The following NFRKB variants were observed in gnomAD, a reference collection of about 807,000 sequenced individuals.
The protein encoded by NFRKB is nuclear factor related to kappaB binding protein, also known as nuclear factor related to kappa-B-binding protein.
Under a neutral mutation model 135.7 loss-of-function variants are expected in NFRKB, and 62 were observed. The ratio of observed to expected loss-of-function variants is 0.46; its 90% confidence interval spans 0.37 to 0.56. NFRKB has a LOEUF of 0.56. NFRKB is among the 20% of genes least tolerant of loss of function. The pLI, the probability that NFRKB is intolerant of heterozygous loss-of-function variation, is 0.00. For synonymous variants in NFRKB, 678 were observed against 635.6 expected, an observed-to-expected ratio of 1.07 and a Z score of -1.00; for missense variants, 1,545 against 1,662.0, an observed-to-expected ratio of 0.93 and a Z score of 1.22.
At chr11:129,877,880 T>C (rs77296728) in intron 15 of NFRKB, among the ~76,000 whole-genome samples, 4,300 of 152,098 alleles carry the variant, frequency 0.028, 192 homozygotes, top group African/African-American at 0.099. Flanking sequence ...AAAAGAAACA[T>C]GGGACAATGT....
At chr11:129,889,218 T>C (rs371947555) in intron 3 of NFRKB, among the ~76,000 whole-genome samples, 36 of 152,292 alleles carry the variant, frequency 2.4e-4, no homozygotes, top group Middle Eastern at 3.4e-3. Flanking sequence ...TGCTTCGGCC[T>C]CCCAAAGTGC....
At chr11:129,877,462 T>C in intron 15 of NFRKB, 77 bp from the exon 16 acceptor site, 1 of 1,299,892 alleles carries the variant, frequency 7.7e-7, no homozygotes, top group Admixed American at 1.7e-5. Context: ...TTCAGAACCA[T>C]TCCCACTGTG....
At chr11:129,870,317 A>T in intron 23 of NFRKB, 56 bp from the exon 24 acceptor site, 1 of 1,543,484 alleles carries the variant, frequency 6.5e-7, no homozygotes. Flanking sequence ...CCGGTTACAA[A>T]ATACAACTAG....
At position 129,864,368 on chromosome 11, in the gene NFRKB, A is replaced by G. The variant is rs545050882; in HGVS notation, c.*357T>C. 302 of 204,630 alleles carry G rather than the reference A, an allele frequency of 1.5e-3. 1 individual carries two copies. The highest frequency in any genetic ancestry group is 6.1e-3 in the African/African-American group (265 of 43,560). 12.7% of individuals were successfully genotyped at this position (204,630 alleles called of 1,614,324 possible). On this transcript the variant is annotated 3_prime_UTR_variant, in exon 27 of 27. Transcript: ENST00000682444. ...CCAGAAGCCAAAAAATACAATCCTC[A>G]TGGAGAACCAGCCTATTCGCTGTGT...
rs201192761 is a variant in NFRKB, at chr11:129,869,474, C to T, written c.3531+20G>A. On this transcript the variant is annotated intron_variant, in intron 24 of 26. Transcript: ENST00000682444. ...AGTTTTCTAAAAAAGAAGGCCTAAG[C>T]TTTACCACTAGTTACTCACAGCCTG... is the stretch of plus-strand genomic sequence containing the variant. 1.3e-4 allele frequency: 211 copies of T among 1,586,196 alleles called. 1 individual carries two copies. Among genetic ancestry groups the T allele is most frequent in the Middle Eastern group, 1.7e-4 (1 of 5,826 alleles).
In NFRKB at chr11:129,864,008, G is replaced by C. The variant is rs1220450784; in HGVS notation, c.*717C>G. 1 of 152,326 alleles carries C rather than the reference G, an allele frequency of 6.6e-6. No individual in the cohort carries two copies. The highest frequency in any genetic ancestry group is 2.1e-4 in the South Asian group (1 of 4,828). The allele number at this position is 152,326 out of a possible 1,614,324, so 9.4% of individuals were successfully genotyped here. A position where few individuals can be genotyped will look rare whatever the true frequency, so the allele number is the denominator to read the frequency against. On this transcript the variant is annotated 3_prime_UTR_variant, in exon 27 of 27. Transcript: ENST00000682444. Reference sequence around the variant, plus strand: ...AAAGTGGGCAGGTAAAGCTGGGGGGGGCGGCCACAATCAAGATCCCAACAC... The same window carrying C: ...AAAGTGGGCAGGTAAAGCTGGGGGGCGCGGCCACAATCAAGATCCCAACAC...
In NFRKB at chr11:129,893,287, T is replaced by G. The variant is rs1246552941; in HGVS notation, c.-21-417A>C. 18 of 461,144 alleles carry G rather than the reference T, an allele frequency of 3.9e-5. No individual in the cohort carries two copies. In the Admixed American group the frequency reaches 4.3e-4, roughly 11 times the overall value. 28.6% of individuals were successfully genotyped at this position (461,144 alleles called of 1,614,324 possible). A position where few individuals can be genotyped will look rare whatever the true frequency, so the allele number is the denominator to read the frequency against. On this transcript the variant is annotated intron_variant, in intron 2 of 26. Coordinates refer to ENST00000682444, the MANE Select transcript of NFRKB (RefSeq NM_001143835.2). ...TTTGTTGTTGGCTGGGTGCAGTAAC[T>G]CACACCTACAATCTCAGTACTTTGG... is the stretch of plus-strand genomic sequence containing the variant.
At chr11:129,868,588 C>CAT (rs1158702931) in intron 24 of NFRKB, among the ~76,000 whole-genome samples, 1 of 152,222 alleles carries the variant, frequency 6.6e-6, no homozygotes, top group Non-Finnish European at 1.5e-5. Flanking sequence ...AACGTTCACA[C>CAT]ATAAGCCCAG....
At chr11:129,880,311 A>C (rs1948968366) in intron 13 of NFRKB, among the ~76,000 whole-genome samples, 1 of 152,186 alleles carries the variant, frequency 6.6e-6, no homozygotes, top group South Asian at 2.1e-4. Flanking sequence ...CTGCAAATCT[A>C]ACAGGAGCCA....
At chr11:129,889,951 CGTGTGTGTGTGTGTGTGTGT>C (rs56216860) in intron 3 of NFRKB, among the ~76,000 whole-genome samples, 2 of 135,286 alleles carry the variant, frequency 1.5e-5, no homozygotes, top group East Asian at 2.2e-4. Context: ...TATTGTCTTA[CGTGTGTGTGTGTGTGTGTGT>C]GTGTGTGTGT....
chr11:129,885,163 T>C (rs557767574), intron 6 of NFRKB, among the ~76,000 whole-genome samples: 2 of 152,248 alleles, frequency 1.3e-5, no homozygotes, highest in Admixed American at 6.5e-5. Context: ...GAGAACCCCG[T>C]CGTGCAGGGA....
At chr11:129,876,534 A>C (rs1447212416) in intron 17 of NFRKB, among the ~76,000 whole-genome samples, 187 bp downstream of exon 17, 1 of 152,200 alleles carries the variant, frequency 6.6e-6, no homozygotes, top group Non-Finnish European at 1.5e-5. Flanking sequence ...GCCCAGACTT[A>C]AGGAAGAAGA....
At position 129,882,583 on chromosome 11, in the gene NFRKB, T is replaced by C. The variant is rs1201928273; in HGVS notation, c.950A>G (p.Glu317Gly). ...VLKKKVKEKE[E>G]KKKKKIKTIK... ...CGTTTTTATTTTCTTCTTCTTCTTT[T>C]CCTCTTTTTCCTTAACCTTTTTTTT... The change falls in exon 10 of 27, where the codon GAA (glutamate) becomes GGA (glycine). Residue 317 changes from glutamate (E) to glycine (G), a missense_variant. By Grantham distance (98) the Glu-to-Gly change is moderately conservative. Coordinates refer to ENST00000682444, the MANE Select transcript of NFRKB (RefSeq NM_001143835.2). 1 of 1,614,128 alleles carries C rather than the reference T, an allele frequency of 6.2e-7. No homozygotes were observed. The highest frequency in any genetic ancestry group is 8.5e-7 in the Non-Finnish European group (1 of 1,180,022).
chr11:129,877,758 A>G lies in NFRKB; in HGVS notation c.1512-373T>C, dbSNP rs111984406. Among the ~76,000 whole-genome samples the G allele has an allele frequency of 2.7e-3, 391 of 143,948 alleles. 3 individuals carry two copies. Among genetic ancestry groups the G allele is most frequent in the African/African-American group, 9.6e-3 (376 of 39,256 alleles). The allele number at this position is 143,948 out of a possible 152,430, so 94.4% of individuals were successfully genotyped here. On this transcript the variant is annotated intron_variant, in intron 15 of 26. Transcript: ENST00000682444. ...GGGTTGTTTTTCTACCTCCAGGGAAAGTACCCGGGGCTTGAGATCTACACC... is the reference window on the plus strand; with the variant it reads ...GGGTTGTTTTTCTACCTCCAGGGAAGGTACCCGGGGCTTGAGATCTACACC...
chr11:129,867,011 TTTAC>T (rs1948224974), intron 24 of NFRKB, among the ~76,000 whole-genome samples: 1 of 152,164 alleles, frequency 6.6e-6, no homozygotes, highest in South Asian at 2.1e-4. Context: ...TCCAGATACA[TTTAC>T]TTATGGTTTT....
intron 4 of NFRKB, among the ~76,000 whole-genome samples, chr11:129,888,036 CAAAGA>C (rs954384067): frequency 7.2e-5 from 11 of 152,004 alleles, no homozygotes; most frequent in African/African-American, 1.7e-4. Flanking sequence ...GACTCTGTCC[CAAAGA>C]AAAGAAAAGA....
chr11:129,882,886 C>G (rs531660070), intron 9 of NFRKB, among the ~76,000 whole-genome samples: 2 of 152,190 alleles, frequency 1.3e-5, no homozygotes, highest in South Asian at 4.1e-4. Flanking sequence ...CCGGTTCAAG[C>G]GATTCTCCCA....
At chr11:129,879,252 A>T (rs148447617) in intron 13 of NFRKB, among the ~76,000 whole-genome samples, 1 of 152,188 alleles carries the variant, frequency 6.6e-6, no homozygotes, top group Non-Finnish European at 1.5e-5. Flanking sequence ...AATACACAAT[A>T]TCACTATTTG....
At position 129,876,755 on chromosome 11, in the gene NFRKB, G is replaced by A. The variant is rs373073694; in HGVS notation, c.1713C>T (p.Ser571=). ...NKAREHSLLR[S]DRPAYVTILS... ...GAATGGTGACGTAGGCAGGCCGGTC[G>A]GAGCGCAGCAGGGAGTGCTCCCGAG... Residue 571 remains serine (S), a synonymous_variant, in exon 17 of 27, where the codon TCC becomes TCT. Transcript: ENST00000682444. 11 of 1,613,856 alleles carry A rather than the reference G, an allele frequency of 6.8e-6. No homozygotes were observed. In the African/African-American group the frequency reaches 1.1e-4, roughly 16 times the overall value.
Sources: gnomAD v4.1 joint callset for allele counts (sites outside exome capture counted in the v4.1 genomes callset) on GRCh38, gnomAD v4.1.1 for gene constraint, MANE v1.5 for transcripts, NCBI Gene and HGNC (gene_info 2026-07-23, HGNC 2026-07-21) for gene names.